DCC: variants seen among roughly 807,000 people sequenced by gnomAD.
DCC encodes netrin receptor DCC.
A neutral mutation model predicts 172.5 loss-of-function variants in DCC; 58 were observed. The ratio of observed to expected loss-of-function variants is 0.34; its 90% confidence interval spans 0.27 to 0.42. DCC has a LOEUF of 0.42. Ranked by LOEUF, DCC falls within the 10% of genes least tolerant of loss-of-function variation. DCC has a pLI of 1.00. For synonymous variants in DCC, 709 were observed against 644.5 expected (o/e 1.10, Z -1.52); for missense variants, 1,740 against 1,791.0 (o/e 0.97, Z 0.51).
At chr18:52,471,953 G>A (rs943434986) in intron 1 of DCC, among the ~76,000 whole-genome samples, 2 of 152,186 alleles carry the variant, frequency 1.3e-5, no homozygotes, top group African/African-American at 4.8e-5. Context: ...CGCTGCTGAA[G>A]AATGACCTCA....
chr18:53,158,988 C>CAAAAAAAAAAAAAAAAAAAAAAAAAAAA (rs558049091), intron 8 of DCC, among the ~76,000 whole-genome samples: 2 of 52,374 alleles, frequency 3.8e-5, no homozygotes, highest in African/African-American at 6.0e-5. Context: ...GACGCCATCT[C>CAAAAAAAAAAAAAAAAAAAAAAAAAAAA]AAAAAAAAAA....
intron 12 of DCC, among the ~76,000 whole-genome samples, chr18:53,294,032 GT>G (rs1374855992): frequency 6.6e-6 from 1 of 152,098 alleles, no homozygotes; most frequent in African/African-American, 2.4e-5. Flanking sequence ...GGTTGGGTAA[GT>G]TATTAGTTTC....
rs1412388343 is a variant in DCC, at chr18:53,213,375, C to T, written c.1862-2173C>T. On this transcript the variant is annotated intron_variant, in intron 11 of 28. Coordinates refer to ENST00000442544, the MANE Select transcript of DCC (RefSeq NM_005215.4). ...ATGTTTAAGAAGTGACTCGGCCGGG[C>T]GTAGTGGCTCACTCCTGTAATCCCA... Among the ~76,000 whole-genome samples, 6 of 152,092 alleles carry T rather than the reference C, an allele frequency of 3.9e-5. No individual in the cohort carries two copies. In the South Asian group the frequency reaches 1.0e-3, roughly 26 times the overall value.
intron 9 of DCC, among the ~76,000 whole-genome samples, chr18:53,190,808 T>C (rs1267428398): frequency 6.6e-6 from 1 of 152,044 alleles, no homozygotes; most frequent in African/African-American, 2.4e-5. Flanking sequence ...TAGCCTAGCA[T>C]GGTGGCGGGC....
In DCC at chr18:53,091,426, G is replaced by T. The variant is rs192219793; in HGVS notation, c.1261+25260G>T. On this transcript the variant is annotated intron_variant, in intron 7 of 28. Transcript: ENST00000442544. ...TATATGTATATATACACACACACAC[G>T]CACAATTCAAGCATAATAATATGCT... Among the ~76,000 whole-genome samples, 39 of 147,536 alleles carry T rather than the reference G, an allele frequency of 2.6e-4. No individual in the cohort carries two copies. The East Asian group carries it at 6.5e-3, about 25-fold the overall frequency.
intron 8 of DCC, 146 bp from the exon 9 acceptor site, chr18:53,178,816 C>CT: frequency 1.3e-6 from 1 of 759,622 alleles, no homozygotes; most frequent in South Asian, 1.5e-5. Flanking sequence ...TATAGAAAGT[C>CT]TGAGGTCTTG....
intron 1 of DCC, among the ~76,000 whole-genome samples, chr18:52,546,579 G>A (rs1464417538): frequency 6.6e-6 from 1 of 152,044 alleles, no homozygotes; most frequent in African/African-American, 2.4e-5. Context: ...GAGCGTGGGA[G>A]GCATCTGGGC....
chr18:52,887,324 A>G (rs2084471288), intron 2 of DCC, among the ~76,000 whole-genome samples: 1 of 151,672 alleles, frequency 6.6e-6, no homozygotes, highest in South Asian at 2.1e-4. Flanking sequence ...TTTTTAAACT[A>G]TCATCAACAT....
intron 2 of DCC, among the ~76,000 whole-genome samples, chr18:52,860,269 C>T (rs932580804): frequency 6.6e-6 from 1 of 152,222 alleles, no homozygotes; most frequent in Admixed American, 6.5e-5. Flanking sequence ...CATCAGCTGG[C>T]ACAAAAGCTG....
chr18:52,751,351 A>T (rs546648736), intron 1 of DCC, among the ~76,000 whole-genome samples: 1 of 152,310 alleles, frequency 6.6e-6, no homozygotes, highest in African/African-American at 2.4e-5. Context: ...ATGAATTTCT[A>T]TTACCCTTGG....
intron 12 of DCC, among the ~76,000 whole-genome samples, chr18:53,292,148 A>T (rs1419466925): frequency 1.5e-5 from 2 of 136,676 alleles, no homozygotes; most frequent in Non-Finnish European, 3.1e-5. Flanking sequence ...GCTGGGCTAT[A>T]CTCTGACATT....
At chr18:52,705,803 G>A (rs372178041) in intron 1 of DCC, among the ~76,000 whole-genome samples, 5 of 152,238 alleles carry the variant, frequency 3.3e-5, no homozygotes, top group African/African-American at 7.2e-5. Flanking sequence ...CTTTAAAAGC[G>A]TTTGTTGAAT....
chr18:53,405,734 T>G (rs1382199899), intron 19 of DCC, among the ~76,000 whole-genome samples: 1 of 152,180 alleles, frequency 6.6e-6, no homozygotes, highest in Non-Finnish European at 1.5e-5. Context: ...CATTAAGCAT[T>G]TATTATATGC....
chr18:52,378,993 A>G (rs541138661), intron 1 of DCC, among the ~76,000 whole-genome samples: 37 of 152,174 alleles, frequency 2.4e-4, no homozygotes, highest in Non-Finnish European at 3.8e-4. Context: ...AGGAAAGGTA[A>G]AGTATAGGTA....
intron 5 of DCC, among the ~76,000 whole-genome samples, chr18:53,038,151 T>C (rs986569550): frequency 6.6e-6 from 1 of 151,946 alleles, no homozygotes; most frequent in Non-Finnish European, 1.5e-5. Context: ...TTATAAGACA[T>C]TAAGCTAGGT....
chr18:53,049,176 CTTTAG>C (rs146123312), intron 5 of DCC, among the ~76,000 whole-genome samples: 38,433 of 151,554 alleles, frequency 0.25, 5,102 homozygotes, highest in East Asian at 0.37. Flanking sequence ...TGCAGAGGCT[CTTTAG>C]TTTAATTAGG....
chr18:53,240,299 A>C (rs559224189), intron 12 of DCC, among the ~76,000 whole-genome samples: 1 of 152,146 alleles, frequency 6.6e-6, no homozygotes, highest in African/African-American at 2.4e-5. Context: ...TTCCATCTTT[A>C]CTCCTTACAC....
At chr18:52,915,220 TAAAGG>T in intron 3 of DCC, among the ~76,000 whole-genome samples, 2 of 152,276 alleles carry the variant, frequency 1.3e-5, no homozygotes, top group East Asian at 3.9e-4. Flanking sequence ...ATGGCCCTGT[TAAAGG>T]AAAGCCGTAG....
chr18:53,503,420 C>T (rs1193462045), intron 27 of DCC, among the ~76,000 whole-genome samples: 2 of 152,072 alleles, frequency 1.3e-5, no homozygotes, highest in Non-Finnish European at 2.9e-5. Context: ...TTTTTTAATG[C>T]TTTATCTATA....
Sources: allele counts gnomAD v4.1 joint callset (sites outside exome capture counted in the v4.1 genomes callset), GRCh38; gene constraint gnomAD v4.1.1; transcripts MANE v1.5; gene names NCBI Gene and HGNC (gene_info 2026-07-23, HGNC 2026-07-21).